The following CATSPERB variants were observed in gnomAD, a reference collection of about 807,000 sequenced individuals.
CATSPERB encodes the protein cation channel sperm-associated auxiliary subunit beta.
In CATSPERB, 93 loss-of-function variants were observed where a neutral mutation model predicts 128.3. The ratio of observed to expected loss-of-function variants is 0.72; its 90% CI spans 0.61 to 0.86. The LOEUF (loss-of-function observed/expected upper bound fraction) is 0.86, where lower values mean the gene tolerates loss of function less well. Among genes scored for constraint, CATSPERB ranks in the 40% least tolerant of loss-of-function variants. CATSPERB has a pLI of 0.00. For missense variants in CATSPERB, 1,153 were observed against 1,329.5 expected, an observed-to-expected ratio of 0.87 and a Z score of 2.06; for synonymous variants, 381 against 448.8, an observed-to-expected ratio of 0.85 and a Z score of 1.91.
chr14:91,604,546 A>C, intron 22 of CATSPERB: 1 of 1,607,828 alleles, frequency 6.2e-7, no homozygotes, highest in South Asian at 1.1e-5. Context: ...CACTGGCAGG[A>C]GAATTTGGCT....
At chr14:91,587,359 AC>A in intron 25 of CATSPERB, 83 bp from the exon 26 acceptor site, 1 of 958,342 alleles carries the variant, frequency 1.0e-6, no homozygotes, top group Admixed American at 2.7e-5. Flanking sequence ...CCCTGGGGCC[AC>A]TGTCCCTATA....
In CATSPERB at chr14:91,678,493, G is replaced by C. The variant is rs191646293; in HGVS notation, c.932-4271C>G. Among the ~76,000 whole-genome samples, 36 of 152,312 alleles carry C rather than the reference G, an allele frequency of 2.4e-4. 1 individual carries two copies. The highest frequency in any genetic ancestry group is 1.3e-3 in the Admixed American group (20 of 15,294). On this transcript the variant is annotated intron_variant, in intron 11 of 26. Coordinates refer to ENST00000256343, the MANE Select transcript of CATSPERB (RefSeq NM_024764.4). The stretch of plus-strand genomic sequence containing the variant: ...TATACATGTTTAGATATATTTATGT[G>C]ATGTTGATGTATTATGTGATATGTC...
rs1037553697 is a variant in CATSPERB at position 91,638,190 on chromosome 14, C to A, written c.1587+906G>T. Among the ~76,000 whole-genome samples the A allele has an allele frequency of 6.6e-5, 10 of 152,124 alleles. 1 individual carries two copies. ...CCAGTCAAAAATGTTTGATAATTTG[C>A]TGATGGTTTGAGAGTGTCCAGTTTT... On this transcript the variant is annotated intron_variant, in intron 16 of 26. Coordinates refer to ENST00000256343, the MANE Select transcript of CATSPERB (RefSeq NM_024764.4).
intron 22 of CATSPERB, among the ~76,000 whole-genome samples, chr14:91,607,750 A>G (rs1038894457): frequency 6.6e-6 from 1 of 152,034 alleles, no homozygotes; most frequent in African/African-American, 2.4e-5. Context: ...AGGTGGGTGC[A>G]TTTTTCTGGA....
chr14:91,692,037 C>A (rs965739059), intron 9 of CATSPERB, among the ~76,000 whole-genome samples: 1 of 152,032 alleles, frequency 6.6e-6, no homozygotes, highest in African/African-American at 2.4e-5. Context: ...ATTAACTGGG[C>A]GTGGTGGTGC....
At chr14:91,689,314 G>C (rs1895427214) in intron 10 of CATSPERB, among the ~76,000 whole-genome samples, 1 of 152,152 alleles carries the variant, frequency 6.6e-6, no homozygotes, top group African/African-American at 2.4e-5. Flanking sequence ...CCAGCACTTT[G>C]TTCTCAGGTA....
At chr14:91,630,123 T>G (rs529010757) in intron 17 of CATSPERB, among the ~76,000 whole-genome samples, 2 of 152,306 alleles carry the variant, frequency 1.3e-5, no homozygotes, top group Admixed American at 6.5e-5. Flanking sequence ...TATTCTTATT[T>G]TACTCAAGTC....
chr14:91,722,962 C>A lies in CATSPERB; in HGVS notation c.309+87G>T. Reference sequence around the variant, plus strand: ...CATACATAGATGTAATATTACTCAGCTACCTATTTTTTAAAAAATACATCC... The same window carrying A: ...CATACATAGATGTAATATTACTCAGATACCTATTTTTTAAAAAATACATCC... On this transcript the variant is annotated intron_variant, in intron 4 of 26. Coordinates refer to ENST00000256343, the MANE Select transcript of CATSPERB (RefSeq NM_024764.4). The A allele has an allele frequency of 4.8e-6, 5 of 1,043,838 alleles. No individual in the cohort carries two copies. In the South Asian group the frequency reaches 1.7e-4, roughly 36 times the overall value. 64.7% of individuals were successfully genotyped at this position (1,043,838 alleles called of 1,614,324 possible).
chr14:91,717,780 T>C (rs1055964801), intron 5 of CATSPERB, among the ~76,000 whole-genome samples: 1 of 152,222 alleles, frequency 6.6e-6, no homozygotes, highest in Non-Finnish European at 1.5e-5. Context: ...GCCATAGCAG[T>C]AAATAAAGTA....
chr14:91,636,592 A>G lies in CATSPERB; in HGVS notation c.1588-13T>C. On this transcript the variant is annotated splice_polypyrimidine_tract_variant and intron_variant, in intron 16 of 26. Coordinates refer to ENST00000256343, the MANE Select transcript of CATSPERB (RefSeq NM_024764.4). Reference sequence around the variant, plus strand: ...CCATATCTGGAGGCTGGAAACAGAGAAAAGAAAATATTATATTTAAACTAC... The same window carrying G: ...CCATATCTGGAGGCTGGAAACAGAGGAAAGAAAATATTATATTTAAACTAC... 6.3e-7 allele frequency: 1 copy of G among 1,596,430 alleles called. No individual in the cohort carries two copies. The highest frequency in any genetic ancestry group is 8.5e-7 in the Non-Finnish European group (1 of 1,172,656).
intron 6 of CATSPERB, among the ~76,000 whole-genome samples, chr14:91,706,918 C>T (rs1262427862): frequency 6.6e-6 from 1 of 152,138 alleles, no homozygotes; most frequent in Non-Finnish European, 1.5e-5. Flanking sequence ...TGTCCATCTA[C>T]TCCAGACCTT....
chr14:91,722,269 CA>C (rs1440265842), intron 4 of CATSPERB, among the ~76,000 whole-genome samples: 1 of 151,866 alleles, frequency 6.6e-6, no homozygotes, highest in Non-Finnish European at 1.5e-5. Context: ...TCAGAAGAGC[CA>C]AAAAGTGGGA....
At chr14:91,639,737 A>G (rs1426964562) in intron 15 of CATSPERB, among the ~76,000 whole-genome samples, 1 of 152,196 alleles carries the variant, frequency 6.6e-6, no homozygotes, top group African/African-American at 2.4e-5. Flanking sequence ...CAGTAATCAG[A>G]TGGTGCCGCA....
chr14:91,618,948 G>A (rs1452844261), intron 19 of CATSPERB, among the ~76,000 whole-genome samples: 2 of 152,192 alleles, frequency 1.3e-5, no homozygotes, highest in East Asian at 3.9e-4. Context: ...ACAGGTTCAG[G>A]GACCACACCT....
At chr14:91,657,029 C>T (rs1894800672) in intron 15 of CATSPERB, among the ~76,000 whole-genome samples, 1 of 151,882 alleles carries the variant, frequency 6.6e-6, no homozygotes, top group African/African-American at 2.4e-5. Context: ...ATTATCAGAG[C>T]TAAGGAAAGA....
intron 14 of CATSPERB, among the ~76,000 whole-genome samples, chr14:91,664,892 A>C (rs945208341): frequency 6.6e-6 from 1 of 152,036 alleles, no homozygotes; most frequent in Non-Finnish European, 1.5e-5. Flanking sequence ...ACATAAATTG[A>C]TTTTTGTGTG....
chr14:91,624,935 A>G lies in CATSPERB; in HGVS notation c.1815T>C (p.Ile605=). The part of the protein sequence containing the change: ...TTPKGFLSSV[I]AEMKEPFGLE... The stretch of plus-strand genomic sequence containing the variant: ...ATCCAAAGGGCTCTTTCATTTCTGC[A>G]ATAACTGAGGACAAAAATCCTTTAG... The change falls in exon 18 of 27, where the codon ATT becomes ATC. Residue 605 remains isoleucine (I), a synonymous_variant. Coordinates refer to ENST00000256343, the MANE Select transcript of CATSPERB (RefSeq NM_024764.4). The G allele has an allele frequency of 6.2e-7, 1 of 1,613,180 alleles. No individual in the cohort carries two copies. Among genetic ancestry groups the G allele is most frequent in the Non-Finnish European group, 8.5e-7 (1 of 1,179,704 alleles).
Position 91,719,409 on chromosome 14 carries a change from C to A in CATSPERB, c.370+9G>T. The A allele has an allele frequency of 6.3e-7, 1 of 1,580,452 alleles. No homozygotes were observed. Among genetic ancestry groups the A allele is most frequent in the South Asian group, 1.2e-5 (1 of 84,814 alleles). On this transcript the variant is annotated intron_variant, in intron 5 of 26. Transcript: ENST00000256343. ...CAGGGGTAAAAGAATTAATTCAGAT[C>A]ACTCTTACCTGTGCTTTGTGTGATG... is the stretch of plus-strand genomic sequence containing the variant.
At chr14:91,715,746 T>C (rs1462548554) in intron 5 of CATSPERB, among the ~76,000 whole-genome samples, 6 of 152,054 alleles carry the variant, frequency 3.9e-5, no homozygotes, top group Admixed American at 1.3e-4. Context: ...ATTGAAGGAC[T>C]AACATGGCTT....
Sources: gnomAD v4.1 joint callset for allele counts (sites outside exome capture counted in the v4.1 genomes callset) on GRCh38, gnomAD v4.1.1 for gene constraint, MANE v1.5 for transcripts, NCBI Gene and HGNC (gene_info 2026-07-23, HGNC 2026-07-21) for gene names.